Variants in CTSD observed in about 807,000 individuals in gnomAD.
CTSD encodes cathepsin D, also known as ceroid-lipofuscinosis, neuronal 10.
In CTSD, 28 loss-of-function variants were observed where a neutral mutation model predicts 43.6. That is an observed-to-expected ratio of 0.64 (90% CI 0.48 to 0.88). The LOEUF is 0.88. Ranked by LOEUF, CTSD falls within the 40% of genes least tolerant of loss-of-function variation. The pLI is 0.00. For synonymous variants in CTSD, 270 were observed against 249.8 expected (o/e 1.08, Z -0.76); for missense variants, 485 against 555.2 (o/e 0.87, Z 1.27).
chr11:1,763,367 G>C (rs911869289), intron 1 of CTSD, among the ~76,000 whole-genome samples: 5 of 152,248 alleles, frequency 3.3e-5, no homozygotes, highest in African/African-American at 1.2e-4. Context: ...TGGTAAAGGG[G>C]TCCCTAAGGA....
intron 1 of CTSD, chr11:1,762,529 C>T (rs532601376): frequency 1.3e-5 from 2 of 152,324 alleles, no homozygotes; most frequent in East Asian, 3.9e-4. Context: ...GGGGCGTGAT[C>T]CCGGAAGATG....
chr11:1,753,778 G>A (rs928893692), intron 8 of CTSD, 25 bp downstream of exon 8: 13 of 1,611,880 alleles, frequency 8.1e-6, no homozygotes, highest in South Asian at 6.6e-5. Flanking sequence ...CACCTGGGGC[G>A]TGCGGCACCC....
At chr11:1,761,032 G>A (rs766832458) in intron 2 of CTSD, 4 of 491,474 alleles carry the variant, frequency 8.1e-6, no homozygotes, top group Non-Finnish European at 1.1e-5. Flanking sequence ...CAGGCCCAAG[G>A]ACCGCCCCCT....
At chr11:1,757,050 G>A (rs934347284) in intron 5 of CTSD, among the ~76,000 whole-genome samples, 7 of 152,206 alleles carry the variant, frequency 4.6e-5, no homozygotes, top group African/African-American at 1.7e-4. Context: ...CTCATAGGAG[G>A]GAGGCCCAGC....
At chr11:1,755,103 T>G (rs1845794537) in intron 5 of CTSD, 75 bp from the exon 6 acceptor site, 1 of 1,567,000 alleles carries the variant, frequency 6.4e-7, no homozygotes, top group African/African-American at 1.3e-5. Context: ...AGTAAGAGGG[T>G]GAATGTGGCA....
intron 4 of CTSD, among the ~76,000 whole-genome samples, chr11:1,758,654 CA>C (rs1402609157): frequency 1.3e-5 from 2 of 152,108 alleles, no homozygotes; most frequent in African/African-American, 2.4e-5. Context: ...GTCCAGCCCT[CA>C]ACACCTGCTG....
chr11:1,753,612 G>A lies in CTSD; in HGVS notation c.1130C>T (p.Pro377Leu). The change falls in exon 9 of 9, where the codon CCA becomes CTA. Residue 377 changes from proline (P) to leucine (L), a missense_variant. By Grantham distance (98) the Pro-to-Leu change is moderately conservative. Transcript: ENST00000236671. ...LSGFMGMDIPPPSGPLWILGD... is the reference protein window; with the variant it reads ...LSGFMGMDIPLPSGPLWILGD... ...CAGGATCCAGAGTGGCCCGCTGGGT[G>A]GCGGGATGTCCATGCCCATGAAGCC... The A allele has an allele frequency of 6.2e-7, 1 of 1,612,984 alleles. No homozygotes were observed. Among genetic ancestry groups the A allele is most frequent in the Non-Finnish European group, 8.5e-7 (1 of 1,179,894 alleles).
Position 1,759,785 on chromosome 11 carries a change from C to A in CTSD, c.229-146G>T, listed in dbSNP as rs565366053. On this transcript the variant is annotated intron_variant, in intron 2 of 8. Coordinates refer to ENST00000236671, the MANE Select transcript of CTSD (RefSeq NM_001909.5). ...CCACAGCTGCCAACAGCCACCCACT[C>A]CCACCTGCTCAGCCTGCAGGGAAGA... The A allele has an allele frequency of 1.6e-3, 1,350 of 844,632 alleles. 1 individual carries two copies. Among genetic ancestry groups the A allele is most frequent in the Middle Eastern group, 8.5e-3 (23 of 2,708 alleles). 52.3% of individuals were successfully genotyped at this position (844,632 alleles called of 1,614,324 possible). A position where few individuals can be genotyped will look rare whatever the true frequency, so the allele number is the denominator to read the frequency against.
chr11:1,758,920 C>T (rs780120658), intron 4 of CTSD, 49 bp downstream of exon 4: 1 of 1,358,782 alleles, frequency 7.4e-7, no homozygotes. Flanking sequence ...TGGGTGAACC[C>T]CACACCCTGG....
At chr11:1,754,787 G>T in intron 6 of CTSD, 119 bp downstream of exon 6, 2 of 1,231,888 alleles carry the variant, frequency 1.6e-6, no homozygotes, top group Non-Finnish European at 2.2e-6. Context: ...TCTCTTTCTT[G>T]CCCAGCTCCC....
At chr11:1,756,950 C>G (rs1451335187) in intron 5 of CTSD, among the ~76,000 whole-genome samples, 1 of 152,186 alleles carries the variant, frequency 6.6e-6, no homozygotes, top group African/African-American at 2.4e-5. Context: ...AACCCCGGGA[C>G]CAGGACCACA....
At chr11:1,759,868 C>T (rs1055458742) in intron 2 of CTSD, among the ~76,000 whole-genome samples, 2 of 152,212 alleles carry the variant, frequency 1.3e-5, no homozygotes, top group African/African-American at 2.4e-5. Context: ...GTCTCTAGAC[C>T]CCTGGCTTCT....
chr11:1,754,212 A>G (rs538647820), intron 6 of CTSD, 74 bp from the exon 7 acceptor site: 20 of 1,542,296 alleles, frequency 1.3e-5, no homozygotes, highest in Non-Finnish European at 1.6e-5. Flanking sequence ...CCTCCCTGGG[A>G]GCCCCTCCCC....
Position 1,754,600 on chromosome 11 carries a change from T to TGTGGGGATG in CTSD, c.827+305_827+306insCATCCCCAC, listed in dbSNP as rs1386821291. Among the ~76,000 whole-genome samples, 7 of 68,886 alleles carry TGTGGGGATG rather than the reference T, an allele frequency of 1.0e-4. No homozygotes were observed. In the South Asian group the frequency reaches 3.2e-3, roughly 32 times the overall value. The allele number at this position is 68,886 out of a possible 152,430, so 45.2% of individuals were successfully genotyped here. ...AGGGTCATGAAGAGTCACAGAGGGA[T>TGTGGGGATG]GAGGGGATGGAGGGGATGGAGGGCA... is the stretch of plus-strand genomic sequence containing the variant. On this transcript the variant is annotated intron_variant, in intron 6 of 8. Coordinates refer to ENST00000236671, the MANE Select transcript of CTSD (RefSeq NM_001909.5).
At chr11:1,763,217 G>A (rs139534569) in intron 1 of CTSD, among the ~76,000 whole-genome samples, 1,995 of 152,264 alleles carry the variant, frequency 0.013, 42 homozygotes, top group African/African-American at 0.04. Flanking sequence ...CCCCAGGCCC[G>A]GGGTGGGTGA....
intron 1 of CTSD, chr11:1,762,229 A>T (rs1031415922): frequency 6.5e-6 from 1 of 153,256 alleles, no homozygotes; most frequent in Non-Finnish European, 1.5e-5. Context: ...CTCCTCCGAC[A>T]GCTGCACTCA....
Position 1,753,427 on chromosome 11 carries a change from A to AG in CTSD, c.*75dup. ...GGGCGAGTGTGTGGGTGTGTGTGGGAGGGGCCGCTGGGCCAGGGGCCTCCT... is the reference window on the plus strand; with the variant it reads ...GGGCGAGTGTGTGGGTGTGTGTGGGAGGGGGCCGCTGGGCCAGGGGCCTCCT... On this transcript the variant is annotated 3_prime_UTR_variant, in exon 9 of 9. Coordinates refer to ENST00000236671, the MANE Select transcript of CTSD (RefSeq NM_001909.5). 1 of 1,561,816 alleles carries AG rather than the reference A, an allele frequency of 6.4e-7. No homozygotes were observed. The highest frequency in any genetic ancestry group is 1.7e-5 in the Admixed American group (1 of 59,900).
At chr11:1,761,521 A>T in intron 1 of CTSD, 53 bp from the exon 2 acceptor site, 3 of 1,599,458 alleles carry the variant, frequency 1.9e-6, no homozygotes, top group Non-Finnish European at 2.6e-6. Flanking sequence ...CTGCCGGCCG[A>T]CGCTGCCAAT....
rs1411558572 is a variant in CTSD at position 1,763,907 on chromosome 11, A to T, written c.-48T>A. Reference sequence around the variant, plus strand: ...AGGGTCGCCGAGGCCGTGCGCTTATAGCCGGGATGACGCCGCAGTTGGGCC... The same window carrying T: ...AGGGTCGCCGAGGCCGTGCGCTTATTGCCGGGATGACGCCGCAGTTGGGCC... On this transcript the variant is annotated 5_prime_UTR_variant, in exon 1 of 9. Coordinates refer to ENST00000236671, the MANE Select transcript of CTSD (RefSeq NM_001909.5). 4 of 1,482,052 alleles carry T rather than the reference A, an allele frequency of 2.7e-6. No homozygotes were observed. In the African/African-American group the frequency reaches 4.4e-5, roughly 16 times the overall value. 91.8% of individuals were successfully genotyped at this position (1,482,052 alleles called of 1,614,324 possible). A position where few individuals can be genotyped will look rare whatever the true frequency, so the allele number is the denominator to read the frequency against.
Sources: gnomAD v4.1 joint callset for allele counts (sites outside exome capture counted in the v4.1 genomes callset) on GRCh38, gnomAD v4.1.1 for gene constraint, MANE v1.5 for transcripts, NCBI Gene and HGNC (gene_info 2026-07-23, HGNC 2026-07-21) for gene names.